Variants in RBFOX1 observed in about 807,000 individuals in gnomAD.
RBFOX1 encodes the protein RNA binding fox-1 homolog 1.
In RBFOX1, 8 loss-of-function variants were observed where a neutral mutation model predicts 57.7. That is an observed-to-expected ratio of 0.14 (90% confidence interval 0.08 to 0.25). The LOEUF (loss-of-function observed/expected upper bound fraction) is 0.25. Among genes scored for constraint, RBFOX1 ranks in the 10% least tolerant of loss-of-function variants. The pLI, the probability that RBFOX1 is intolerant of heterozygous loss-of-function variation, is 1.00. For missense variants in RBFOX1, 611 were observed against 548.5 expected, an observed-to-expected ratio of 1.11 and a Z score of -1.14; for synonymous variants, 326 against 222.4, an observed-to-expected ratio of 1.47 and a Z score of -4.15.
At chr16:6,236,869 A>T (rs2097508861) in intron 1 of RBFOX1, among the ~76,000 whole-genome samples, 1 of 152,182 alleles carries the variant, frequency 6.6e-6, no homozygotes, top group Admixed American at 6.5e-5. Flanking sequence ...TAAGTGAGGA[A>T]ATAGAGGCTC....
intron 4 of RBFOX1, among the ~76,000 whole-genome samples, chr16:5,889,940 A>C (rs2058005731): frequency 6.6e-6 from 1 of 152,236 alleles, no homozygotes; most frequent in Non-Finnish European, 1.5e-5. Context: ...GACTGGGCAA[A>C]CAGCCTCTGT....
intron 3 of RBFOX1, among the ~76,000 whole-genome samples, chr16:5,852,228 T>C (rs577472936): frequency 6.6e-6 from 1 of 152,280 alleles, no homozygotes; most frequent in South Asian, 2.1e-4. Flanking sequence ...CCTTTGCCCA[T>C]GCTGTCTCCT....
intron 4 of RBFOX1, among the ~76,000 whole-genome samples, chr16:5,969,325 G>GTTTTTTTT (rs1392384342): frequency 5.0e-5 from 6 of 120,646 alleles, no homozygotes; most frequent in African/African-American, 1.6e-4. Flanking sequence ...TTTTTTTTTG[G>GTTTTTTTT]TTTGGAAATG....
chr16:6,233,284 A>G (rs946695578), intron 1 of RBFOX1, among the ~76,000 whole-genome samples: 1 of 152,148 alleles, frequency 6.6e-6, no homozygotes, highest in African/African-American at 2.4e-5. Flanking sequence ...GAGGGAAGAT[A>G]CATTAAGACA....
At chr16:7,637,439 T>C (rs1306483061) in intron 11 of RBFOX1, among the ~76,000 whole-genome samples, 1 of 152,204 alleles carries the variant, frequency 6.6e-6, no homozygotes, top group African/African-American at 2.4e-5. Context: ...TTTAAGGAAG[T>C]AATTGTGTGG....
At chr16:6,225,687 C>A (rs150189772) in intron 1 of RBFOX1, among the ~76,000 whole-genome samples, 10 of 152,232 alleles carry the variant, frequency 6.6e-5, no homozygotes, top group South Asian at 4.1e-4. Context: ...AAATGTAATA[C>A]CCTGCTCACA....
chr16:7,612,614 T>A (rs7196333), intron 10 of RBFOX1, among the ~76,000 whole-genome samples: 16,253 of 151,006 alleles, frequency 0.11, 1,138 homozygotes, highest in African/African-American at 0.2. Flanking sequence ...AATAAAAAAA[T>A]ATATATATAT....
At chr16:5,472,405 G>C (rs986488021) in intron 2 of RBFOX1, among the ~76,000 whole-genome samples, 3 of 152,122 alleles carry the variant, frequency 2.0e-5, no homozygotes, top group Non-Finnish European at 4.4e-5. Flanking sequence ...GCAGCAGGGG[G>C]GATCCTCAGG....
intron 4 of RBFOX1, among the ~76,000 whole-genome samples, chr16:7,108,890 A>G (rs559608195): frequency 1.3e-5 from 2 of 152,290 alleles, no homozygotes; most frequent in South Asian, 4.2e-4. Context: ...TGCATCTGTG[A>G]AAAGAAGGAG....
At chr16:6,540,507 G>A (rs2096798923) in intron 2 of RBFOX1, among the ~76,000 whole-genome samples, 1 of 150,258 alleles carries the variant, frequency 6.7e-6, no homozygotes, top group South Asian at 2.1e-4. Context: ...AGCTACTCAG[G>A]AGGCTGAGGC....
At chr16:7,269,133 A>G (rs945479575) in intron 4 of RBFOX1, among the ~76,000 whole-genome samples, 1 of 151,796 alleles carries the variant, frequency 6.6e-6, no homozygotes. Flanking sequence ...CTCTGAAAAA[A>G]TATGAAATAT....
chr16:5,761,736 A>G (rs181229252), intron 3 of RBFOX1, among the ~76,000 whole-genome samples: 152 of 152,304 alleles, frequency 1.0e-3, no homozygotes, highest in East Asian at 6.9e-3. Flanking sequence ...TTGGGTGGGG[A>G]CACAGCAAAC....
chr16:6,951,072 T>C (rs918752288), intron 3 of RBFOX1, among the ~76,000 whole-genome samples: 5 of 151,758 alleles, frequency 3.3e-5, no homozygotes, highest in Non-Finnish European at 7.4e-5. Context: ...TGCCCAGCAA[T>C]TTTATCTTAT....
At chr16:5,909,377 C>T (rs961435196) in intron 4 of RBFOX1, among the ~76,000 whole-genome samples, 1 of 152,108 alleles carries the variant, frequency 6.6e-6, no homozygotes, top group African/African-American at 2.4e-5. Flanking sequence ...CAGGCGTGAG[C>T]CACTGTGCCC....
chr16:6,478,337 C>G (rs1211245061), intron 2 of RBFOX1, among the ~76,000 whole-genome samples: 2 of 138,956 alleles, frequency 1.4e-5, no homozygotes, highest in Admixed American at 1.4e-4. Context: ...ATTCTCCTGC[C>G]TCAGCCTCCC....
chr16:6,235,266 C>A (rs1370222689), intron 1 of RBFOX1, among the ~76,000 whole-genome samples: 2 of 152,046 alleles, frequency 1.3e-5, no homozygotes, highest in Admixed American at 1.3e-4. Flanking sequence ...GGCCTAACTC[C>A]CCTCCTCCAC....
intron 1 of RBFOX1, among the ~76,000 whole-genome samples, chr16:5,430,494 TG>T (rs1207963056): frequency 2.6e-5 from 4 of 152,014 alleles, no homozygotes; most frequent in Admixed American, 6.6e-5. Context: ...TGGGAGGCGT[TG>T]GGGTTGGGGA....
At position 5,774,635 on chromosome 16, in the gene RBFOX1, G is replaced by C. The variant is rs188616396; in HGVS notation, c.319-92668G>C. On this transcript the variant is annotated intron_variant, in intron 3 of 19. Coordinates refer to the RBFOX1 transcript ENST00000641259. ...TTACATGGTGTCTACTGTGTAACAG[G>C]GCTTTGGGATACCAGCAGCATTTCC... is the stretch of plus-strand genomic sequence containing the variant. Among the ~76,000 whole-genome samples, 13 of 152,202 alleles carry C rather than the reference G, an allele frequency of 8.5e-5. No individual in the cohort carries two copies. The East Asian group carries it at 2.1e-3, about 25-fold the overall frequency.
At chr16:5,865,689 A>C (rs2057328785) in intron 3 of RBFOX1, among the ~76,000 whole-genome samples, 1 of 152,148 alleles carries the variant, frequency 6.6e-6, no homozygotes, top group African/African-American at 2.4e-5. Context: ...CACATTTGTG[A>C]GCTGGTATTG....
Sources: gnomAD v4.1 joint callset for allele counts (sites outside exome capture counted in the v4.1 genomes callset) on GRCh38, gnomAD v4.1.1 for gene constraint, MANE v1.5 for transcripts, NCBI Gene and HGNC (gene_info 2026-07-23, HGNC 2026-07-21) for gene names.